The following LPP variants were observed in gnomAD, a reference collection of about 807,000 sequenced individuals.
LPP encodes lipoma-preferred partner.
LPP carries 38 observed loss-of-function variants against 60.4 expected under a neutral mutation model. That is an observed-to-expected ratio of 0.63 (90% confidence interval 0.49 to 0.83). The LOEUF (loss-of-function observed/expected upper bound fraction) is 0.83, where lower values mean the gene tolerates loss of function less well. Ranked by LOEUF, LPP falls within the 40% of genes least tolerant of loss-of-function variation. LPP has a pLI of 0.00. For missense variants in LPP, 902 were observed against 783.6 expected, an observed-to-expected ratio of 1.15 and a Z score of -1.80; for synonymous variants, 328 against 290.8, an observed-to-expected ratio of 1.13 and a Z score of -1.30.
intron 9 of LPP, among the ~76,000 whole-genome samples, chr3:188,850,785 C>A (rs1219226916): frequency 6.6e-6 from 1 of 152,122 alleles, no homozygotes; most frequent in Non-Finnish European, 1.5e-5. Flanking sequence ...GCCTGGAGTG[C>A]TGAGTTCAGT....
At chr3:188,669,474 G>A (rs973306020) in intron 7 of LPP, among the ~76,000 whole-genome samples, 1 of 152,146 alleles carries the variant, frequency 6.6e-6, no homozygotes, top group African/African-American at 2.4e-5. Flanking sequence ...TACTCGGGAG[G>A]CTGAAGCAGG....
rs73056778 is a variant in LPP at position 188,662,174 on chromosome 3, G to A, written c.1114-46093G>A. Among the ~76,000 whole-genome samples, 443 of 152,340 alleles carry A rather than the reference G, an allele frequency of 2.9e-3. 1 individual carries two copies. Among genetic ancestry groups the A allele is most frequent in the African/African-American group, 0.01 (423 of 41,574 alleles). On this transcript the variant is annotated intron_variant, in intron 7 of 11. Transcript: ENST00000617246. ...TTTTCCTAAACTGGAAGCTCCCTAAGGGGAAAGGATGCATCTCATAGAATC... is the reference window on the plus strand; with the variant it reads ...TTTTCCTAAACTGGAAGCTCCCTAAAGGGAAAGGATGCATCTCATAGAATC...
intron 5 of LPP, among the ~76,000 whole-genome samples, chr3:188,518,255 G>C (rs1043759546): frequency 6.6e-6 from 1 of 151,902 alleles, no homozygotes; most frequent in African/African-American, 2.4e-5. Context: ...TTCCCCCACT[G>C]ATATTAGAAA....
At chr3:188,561,889 G>T (rs1830764197) in intron 6 of LPP, among the ~76,000 whole-genome samples, 1 of 152,016 alleles carries the variant, frequency 6.6e-6, no homozygotes, top group South Asian at 2.1e-4. Flanking sequence ...TATGAGTAAA[G>T]ATAAAGCAGT....
chr3:188,212,421 G>A (rs1031691243), intron 1 of LPP, among the ~76,000 whole-genome samples: 12 of 152,256 alleles, frequency 7.9e-5, no homozygotes, highest in African/African-American at 2.9e-4. Flanking sequence ...TTCTTTAGCG[G>A]TTAATAATTT....
At chr3:188,245,524 C>T (rs1321035612) in intron 2 of LPP, among the ~76,000 whole-genome samples, 1 of 152,180 alleles carries the variant, frequency 6.6e-6, no homozygotes, top group Non-Finnish European at 1.5e-5. Context: ...CATTCCACCA[C>T]CTTTGCCTTC....
intron 5 of LPP, among the ~76,000 whole-genome samples, chr3:188,524,024 C>T (rs1487282355): frequency 6.6e-6 from 1 of 152,184 alleles, no homozygotes; most frequent in African/African-American, 2.4e-5. Flanking sequence ...GAGGTTCTGA[C>T]ATAGGAAATC....
chr3:188,513,763 G>A (rs886694834), intron 5 of LPP, among the ~76,000 whole-genome samples: 1 of 152,164 alleles, frequency 6.6e-6, no homozygotes, highest in African/African-American at 2.4e-5. Flanking sequence ...ACAGTGAACA[G>A]TGAGGCTACT....
intron 3 of LPP, among the ~76,000 whole-genome samples, chr3:188,387,058 T>C (rs967123016): frequency 6.6e-5 from 10 of 152,090 alleles, no homozygotes; most frequent in African/African-American, 2.4e-4. Flanking sequence ...TTCTTATCGT[T>C]GAGTCTCATT....
intron 4 of LPP, among the ~76,000 whole-genome samples, chr3:188,429,418 A>G (rs1790339602): frequency 6.6e-6 from 1 of 152,206 alleles, no homozygotes; most frequent in Non-Finnish European, 1.5e-5. Context: ...GAAGGACACG[A>G]GGCTTAATGG....
At position 188,887,323 on chromosome 3, in the gene LPP, C is replaced by G; in HGVS notation, c.*12844C>G. ...GGAAAAAGTCAGTTCCTTCTTCTCT[C>G]TCTTTCTCTTTGGGTGACAGCAATG... On this transcript the variant is annotated 3_prime_UTR_variant, in exon 12 of 12. Transcript: ENST00000617246. The G allele has an allele frequency of 4.6e-6, 1 of 217,422 alleles. No individual in the cohort carries two copies. Among genetic ancestry groups the G allele is most frequent in the East Asian group, 6.8e-5 (1 of 14,710 alleles). The allele number at this position is 217,422 out of a possible 1,614,324, so 13.5% of individuals were successfully genotyped here.
At chr3:188,428,121 C>T (rs751311526) in intron 4 of LPP, among the ~76,000 whole-genome samples, 21 of 152,098 alleles carry the variant, frequency 1.4e-4, no homozygotes, top group Non-Finnish European at 2.4e-4. Flanking sequence ...CAGAGTGCAC[C>T]GTTTGTCATG....
chr3:188,430,045 C>A (rs1252528998), intron 4 of LPP, among the ~76,000 whole-genome samples: 2 of 152,008 alleles, frequency 1.3e-5, no homozygotes, highest in East Asian at 3.9e-4. Context: ...GTGAGAAGAT[C>A]AAAAATAAGT....
In LPP at chr3:188,534,684, G is replaced by A. The variant is rs370970883; in HGVS notation, c.429+9897G>A. On this transcript the variant is annotated intron_variant, in intron 6 of 11. Coordinates refer to ENST00000617246, the MANE Select transcript of LPP (RefSeq NM_001375462.1). ...TTGTTGTGTTTTAAGAGAAAAAGCC[G>A]TGTCTCAGATAATTTGTAGTCATTG... is the stretch of plus-strand genomic sequence containing the variant. Among the ~76,000 whole-genome samples, 15 of 152,282 alleles carry A rather than the reference G, an allele frequency of 9.9e-5. No homozygotes were observed. In the East Asian group the frequency reaches 1.5e-3, roughly 16 times the overall value.
chr3:188,517,857 G>T (rs923719642), intron 5 of LPP, among the ~76,000 whole-genome samples: 1 of 152,070 alleles, frequency 6.6e-6, no homozygotes, highest in Non-Finnish European at 1.5e-5. Flanking sequence ...GATTTGGATA[G>T]GGACACAGAG....
chr3:188,559,043 C>A (rs1278574147), intron 6 of LPP, among the ~76,000 whole-genome samples: 1 of 152,050 alleles, frequency 6.6e-6, no homozygotes, highest in African/African-American at 2.4e-5. Flanking sequence ...ACTGCCTCTA[C>A]CCCTGTCTAG....
chr3:188,576,799 A>G (rs1834725227), intron 6 of LPP, among the ~76,000 whole-genome samples: 1 of 152,218 alleles, frequency 6.6e-6, no homozygotes, highest in Non-Finnish European at 1.5e-5. Flanking sequence ...GACTATCTCC[A>G]TCACCAGTGA....
At chr3:188,824,154 C>T (rs1262121131) in intron 9 of LPP, among the ~76,000 whole-genome samples, 31 of 152,228 alleles carry the variant, frequency 2.0e-4, no homozygotes, top group Non-Finnish European at 1.5e-5. Context: ...GGTAATTTAT[C>T]CTCTGTAGCC....
At chr3:188,461,493 T>C (rs1157820584) in intron 4 of LPP, among the ~76,000 whole-genome samples, 1 of 152,134 alleles carries the variant, frequency 6.6e-6, no homozygotes, top group Non-Finnish European at 1.5e-5. Context: ...TTCAATAATT[T>C]TTGCAAATTG....
Sources: gnomAD v4.1 joint callset for allele counts (sites outside exome capture counted in the v4.1 genomes callset) on GRCh38, gnomAD v4.1.1 for gene constraint, MANE v1.5 for transcripts, NCBI Gene and HGNC (gene_info 2026-07-23, HGNC 2026-07-21) for gene names.